The following ATG7 variants were observed in gnomAD, a reference collection of about 807,000 sequenced individuals.
ATG7 encodes ubiquitin-like modifier-activating enzyme ATG7.
ATG7 carries 70 observed loss-of-function variants against 82.4 expected under a neutral mutation model. The observed-to-expected ratio is 0.85, with a 90% CI of 0.70 to 1.04. ATG7 has a LOEUF of 1.04. Ranked by LOEUF, ATG7 falls within the 50% of genes least tolerant of loss-of-function variation. The probability of loss-of-function intolerance (pLI) is 0.00; values close to 1 mark genes in which losing one functional copy is unlikely to be tolerated. For missense variants in ATG7, 792 were observed against 864.3 expected (o/e 0.92, Z 1.05); for synonymous variants, 287 against 313.0 (o/e 0.92, Z 0.88).
intron 19 of ATG7, among the ~76,000 whole-genome samples, chr3:11,418,042 A>G (rs2081555863): frequency 6.7e-6 from 1 of 149,860 alleles, no homozygotes; most frequent in Non-Finnish European, 1.5e-5. Flanking sequence ...CGATCTCCTA[A>G]CCTCGTTATC....
intron 20 of ATG7, among the ~76,000 whole-genome samples, chr3:11,504,246 G>C (rs1199702268): frequency 6.6e-6 from 1 of 152,132 alleles, no homozygotes; most frequent in Non-Finnish European, 1.5e-5. Flanking sequence ...ATGCAACAAT[G>C]CTTTCAAACA....
At chr3:11,477,782 G>A (rs979429154) in intron 20 of ATG7, among the ~76,000 whole-genome samples, 4 of 152,206 alleles carry the variant, frequency 2.6e-5, no homozygotes, top group African/African-American at 9.6e-5. Flanking sequence ...CTGGGAATCA[G>A]TACAGCCTAG....
chr3:11,528,320 ACTTTAAAAAAAC>A (rs2092625933), intron 20 of ATG7, among the ~76,000 whole-genome samples: 1 of 152,172 alleles, frequency 6.6e-6, no homozygotes, highest in Non-Finnish European at 1.5e-5. Context: ...AATGGCACAT[ACTTTAAAAAAAC>A]ATAAGATAGC....
chr3:11,418,799 T>C (rs985386754), intron 19 of ATG7, among the ~76,000 whole-genome samples: 1 of 152,154 alleles, frequency 6.6e-6, no homozygotes, highest in Non-Finnish European at 1.5e-5. Context: ...GACTCACAGT[T>C]CCACATTGCT....
intron 3 of ATG7, among the ~76,000 whole-genome samples, chr3:11,290,971 T>C (rs1465290507): frequency 6.6e-6 from 1 of 152,156 alleles, no homozygotes; most frequent in Non-Finnish European, 1.5e-5. Flanking sequence ...CGTGAGTCAC[T>C]TCACCCGGCC....
chr3:11,355,538 T>C (rs2075876943), intron 14 of ATG7, among the ~76,000 whole-genome samples: 1 of 152,150 alleles, frequency 6.6e-6, no homozygotes, highest in South Asian at 2.1e-4. Flanking sequence ...AACTTGTTTT[T>C]AAGGGGGAAA....
At chr3:11,312,900 A>G (rs982587475) in intron 7 of ATG7, among the ~76,000 whole-genome samples, 3 of 152,152 alleles carry the variant, frequency 2.0e-5, no homozygotes, top group Non-Finnish European at 4.4e-5. Context: ...GCCCCTTGCC[A>G]TCTTTTTTGT....
intron 19 of ATG7, among the ~76,000 whole-genome samples, chr3:11,393,134 T>A (rs968874877): frequency 2.0e-5 from 3 of 152,092 alleles, no homozygotes; most frequent in Non-Finnish European, 2.9e-5. Context: ...CTGCAGAAAG[T>A]GTTAGGCTGC....
chr3:11,421,651 T>A (rs1559587559), intron 19 of ATG7, among the ~76,000 whole-genome samples: 1 of 152,230 alleles, frequency 6.6e-6, no homozygotes. Flanking sequence ...TATTTTGACC[T>A]CCTTCCATGA....
At chr3:11,542,468 A>T (rs562474451) in intron 20 of ATG7, among the ~76,000 whole-genome samples, 26 of 152,286 alleles carry the variant, frequency 1.7e-4, no homozygotes, top group African/African-American at 5.8e-4. Flanking sequence ...GGCAGGTTTC[A>T]TATTTGCTTC....
chr3:11,560,195 C>G (rs915336205), downstream of ATG7, among the ~76,000 whole-genome samples: 1 of 152,250 alleles, frequency 6.6e-6, no homozygotes, highest in Admixed American at 6.5e-5. Flanking sequence ...CACCAAGATT[C>G]AGCAAGTGCA....
At chr3:11,510,710 T>C in intron 20 of ATG7, among the ~76,000 whole-genome samples, 1 of 152,190 alleles carries the variant, frequency 6.6e-6, no homozygotes, top group African/African-American at 2.4e-5. Flanking sequence ...AAAAATGGAT[T>C]CTGTTTTCTT....
At chr3:11,296,530 T>A (rs1264732190) in intron 3 of ATG7, among the ~76,000 whole-genome samples, 1 of 152,238 alleles carries the variant, frequency 6.6e-6, no homozygotes, top group Admixed American at 6.5e-5. Flanking sequence ...TGCCTGCCTC[T>A]TTCAAAGCCC....
intron 19 of ATG7, among the ~76,000 whole-genome samples, chr3:11,391,961 G>C (rs113372221): frequency 2.8e-5 from 4 of 142,650 alleles, no homozygotes; most frequent in Non-Finnish European, 6.1e-5. Context: ...TACTTATTGG[G>C]GGGGGGGTAA....
chr3:11,274,125 C>T (rs1322647133), intron 1 of ATG7, among the ~76,000 whole-genome samples: 1 of 152,104 alleles, frequency 6.6e-6, no homozygotes, highest in Non-Finnish European at 1.5e-5. Context: ...ATTTTGAAAT[C>T]CTTTAAGAGC....
At chr3:11,295,975 A>G (rs190050191) in intron 3 of ATG7, among the ~76,000 whole-genome samples, 2 of 151,858 alleles carry the variant, frequency 1.3e-5, no homozygotes, top group Non-Finnish European at 2.9e-5. Context: ...ACGGGGTTTC[A>G]CCATTTTGGT....
chr3:11,564,079 G>C, the ATG7 span, among the ~76,000 whole-genome samples: 572 of 152,286 alleles, frequency 3.8e-3, 4 homozygotes, highest in African/African-American at 0.013. Flanking sequence ...ACTGACTAAG[G>C]ACCTATTAGG....
At chr3:11,424,159 GC>G (rs1276520742) in intron 19 of ATG7, among the ~76,000 whole-genome samples, 3 of 151,936 alleles carry the variant, frequency 2.0e-5, no homozygotes, top group African/African-American at 4.8e-5. Context: ...CCTCATTCCT[GC>G]CCCTGGGGGA....
chr3:11,440,673 G>GTTTTTTTTTT (rs2083836620), intron 20 of ATG7, among the ~76,000 whole-genome samples: 1 of 32,706 alleles, frequency 3.1e-5, no homozygotes, highest in African/African-American at 1.1e-4. Context: ...GTCCCCATTT[G>GTTTTTTTTTT]CTTTTTTTTT....
Sources: gnomAD v4.1 joint callset for allele counts (sites outside exome capture counted in the v4.1 genomes callset) on GRCh38, gnomAD v4.1.1 for gene constraint, MANE v1.5 for transcripts, NCBI Gene and HGNC (gene_info 2026-07-23, HGNC 2026-07-21) for gene names.